ORC2: variants seen among roughly 807,000 people sequenced by gnomAD.
ORC2 encodes origin recognition complex subunit 2, also known as origin recognition complex protein 2 homolog.
ORC2 carries 37 observed loss-of-function variants against 77.7 expected under a neutral mutation model. The ratio of observed to expected loss-of-function variants is 0.48; its 90% CI spans 0.37 to 0.63. ORC2 has a LOEUF of 0.63. Ranked by LOEUF, ORC2 falls within the 20% of genes least tolerant of loss-of-function variation. The pLI, the probability that ORC2 is intolerant of heterozygous loss-of-function variation, is 0.00. For missense variants in ORC2, 557 were observed against 661.9 expected (o/e 0.84, Z 1.74); for synonymous variants, 201 against 229.5 (o/e 0.88, Z 1.12).
chr2:200,913,247 T>C (rs775259781), intron 17 of ORC2, 48 bp downstream of exon 17: 11 of 1,382,858 alleles, frequency 8.0e-6, no homozygotes, highest in Non-Finnish European at 1.1e-5. Context: ...CTTAAGTAAA[T>C]GATACGGACT....
intron 4 of ORC2, among the ~76,000 whole-genome samples, chr2:200,953,927 C>T (rs185473070): frequency 1.3e-5 from 2 of 152,278 alleles, no homozygotes; most frequent in African/African-American, 4.8e-5. Context: ...AGTGATCCTC[C>T]CACTTCAGCC....
At chr2:200,957,379 T>C in intron 4 of ORC2, 22 bp downstream of exon 4, 1 of 1,537,382 alleles carries the variant, frequency 6.5e-7, no homozygotes, top group Non-Finnish European at 8.8e-7. Flanking sequence ...GAAACGAGTG[T>C]ATATTTCACC....
intron 5 of ORC2, among the ~76,000 whole-genome samples, chr2:200,948,165 G>A (rs1287169541): frequency 2.0e-5 from 3 of 151,514 alleles, no homozygotes; most frequent in Non-Finnish European, 2.9e-5. Flanking sequence ...CACCTGCCTC[G>A]GCCTCCCAAA....
chr2:200,941,318 A>G, intron 6 of ORC2, 39 bp from the exon 7 acceptor site: 1 of 1,582,574 alleles, frequency 6.3e-7, no homozygotes, highest in South Asian at 1.1e-5. Flanking sequence ...TACTACGGAC[A>G]CTTCACTTTT....
At chr2:200,945,837 A>G (rs2041240911) in intron 5 of ORC2, among the ~76,000 whole-genome samples, 1 of 152,128 alleles carries the variant, frequency 6.6e-6, no homozygotes, top group South Asian at 2.1e-4. Context: ...CATATCCTGG[A>G]TATTGCAAAA....
rs2040807725 is a variant in ORC2, at chr2:200,924,306, C to A, written c.1147+1530G>T. On this transcript the variant is annotated intron_variant, in intron 13 of 17. Coordinates refer to ENST00000234296, the MANE Select transcript of ORC2 (RefSeq NM_006190.5). Reference sequence around the variant, plus strand: ...AGGATGTAGTGAGCTGTGTTTGTGCCACTGGACTCCAGCCTGGGTGAGAGA... The same window carrying A: ...AGGATGTAGTGAGCTGTGTTTGTGCAACTGGACTCCAGCCTGGGTGAGAGA... Among the ~76,000 whole-genome samples the A allele has an allele frequency of 3.3e-5, 5 of 151,888 alleles. No individual in the cohort carries two copies. In the South Asian group the frequency reaches 1.0e-3, roughly 31 times the overall value.
intron 4 of ORC2, among the ~76,000 whole-genome samples, chr2:200,954,654 G>T (rs2041431280): frequency 6.6e-6 from 1 of 152,180 alleles, no homozygotes; most frequent in South Asian, 2.1e-4. Context: ...GCACAGGAGG[G>T]AGTGTGGAAA....
chr2:200,932,334 CTTTTT>C (rs869076427), intron 10 of ORC2, among the ~76,000 whole-genome samples: 3 of 120,166 alleles, frequency 2.5e-5, no homozygotes, highest in African/African-American at 6.3e-5. Context: ...TCATTTCAAA[CTTTTT>C]TTTTTTTTTT....
At chr2:200,939,984 T>C (rs1209723906) in intron 7 of ORC2, among the ~76,000 whole-genome samples, 1 of 152,214 alleles carries the variant, frequency 6.6e-6, no homozygotes, top group African/African-American at 2.4e-5. Context: ...CTTGTCTAAA[T>C]AGGACATTCC....
chr2:200,932,201 G>A (rs1438992319), intron 10 of ORC2, among the ~76,000 whole-genome samples: 5 of 151,988 alleles, frequency 3.3e-5, no homozygotes, highest in Non-Finnish European at 7.4e-5. Context: ...TCTCTTCTGA[G>A]TTCAGAGCCC....
chr2:200,963,200 C>A (rs2041613616), intron 1 of ORC2: 1 of 373,250 alleles, frequency 2.7e-6, no homozygotes, highest in East Asian at 3.9e-5. Context: ...GAAAGGTCCT[C>A]CCAGAGTGAG....
intron 11 of ORC2, among the ~76,000 whole-genome samples, chr2:200,927,490 C>T (rs374591502): frequency 6.7e-6 from 1 of 149,132 alleles, no homozygotes; most frequent in Admixed American, 6.7e-5. Flanking sequence ...GTCAGGAGAT[C>T]GAGACCACAG....
intron 4 of ORC2, among the ~76,000 whole-genome samples, chr2:200,953,653 A>C (rs1013299179): frequency 6.6e-6 from 1 of 152,240 alleles, no homozygotes; most frequent in African/African-American, 2.4e-5. Flanking sequence ...TCATAGCAGC[A>C]TCATTCGCAA....
intron 17 of ORC2, 88 bp from the exon 18 acceptor site, chr2:200,911,475 T>C: frequency 1.5e-6 from 1 of 683,154 alleles, no homozygotes; most frequent in Non-Finnish European, 2.5e-6. Flanking sequence ...AAAATGAATT[T>C]ATTTCTTGGA....
chr2:200,919,722 T>C (rs952945147), intron 15 of ORC2, among the ~76,000 whole-genome samples: 2 of 152,234 alleles, frequency 1.3e-5, no homozygotes, highest in African/African-American at 2.4e-5. Context: ...AATTCAGATA[T>C]GCCTCTAGGT....
chr2:200,932,121 A>G lies in ORC2; in HGVS notation c.808-673T>C, dbSNP rs868055473. 4.6e-5 allele frequency among the ~76,000 whole-genome samples: 7 copies of G among 152,262 alleles called. No individual in the cohort carries two copies. The South Asian group carries it at 1.2e-3, about 27-fold the overall frequency. On this transcript the variant is annotated intron_variant, in intron 10 of 17. Transcript: ENST00000234296. ...TGGCTTGTACTGTGTTTATTTAGTC[A>G]CAGTTAAAGCAAACAGAACTACCTT...
intron 9 of ORC2, 125 bp downstream of exon 9, chr2:200,935,574 G>A (rs1472853255): frequency 5.7e-6 from 4 of 706,278 alleles, no homozygotes; most frequent in Admixed American, 3.3e-5. Context: ...TTATGTGGAA[G>A]GCTGAGAAAA....
chr2:200,957,409 T>A lies in ORC2; in HGVS notation c.230A>T (p.Asp77Val), dbSNP rs147654758. Reference sequence around the variant, plus strand: ...TTCACCCCCTCAAATACCTTGAACATCTCTTCCCATAATTTCCACATAGTT... The same window carrying A: ...TTCACCCCCTCAAATACCTTGAACAACTCTTCCCATAATTTCCACATAGTT... The part of the protein sequence containing the change: ...DQNYVEIMGR[D>V]VQESLKNGSA... The change falls in exon 4 of 18, where the codon GAT becomes GTT. Residue 77 changes from aspartate (D) to valine (V), a missense_variant. Transcript: ENST00000234296. 21 of 1,592,848 alleles carry A rather than the reference T, an allele frequency of 1.3e-5. No homozygotes were observed. The highest frequency in any genetic ancestry group is 1.8e-5 in the Non-Finnish European group (21 of 1,170,754).
At chr2:200,914,368 G>A (rs978850096) in intron 15 of ORC2, among the ~76,000 whole-genome samples, 7 of 151,934 alleles carry the variant, frequency 4.6e-5, no homozygotes, top group African/African-American at 7.3e-5. Flanking sequence ...GGGTTTCACC[G>A]TGTTAGCCAG....
Sources: gnomAD v4.1 joint callset for allele counts (sites outside exome capture counted in the v4.1 genomes callset) on GRCh38, gnomAD v4.1.1 for gene constraint, MANE v1.5 for transcripts, NCBI Gene and HGNC (gene_info 2026-07-23, HGNC 2026-07-21) for gene names.